USP6NL: variants seen among roughly 807,000 people sequenced by gnomAD.
The protein encoded by USP6NL is USP6 N-terminal-like protein.
A neutral mutation model predicts 61.9 loss-of-function variants in USP6NL; 26 were observed. The observed-to-expected ratio is 0.42, with a 90% CI of 0.31 to 0.58. USP6NL has a LOEUF of 0.58. Ranked by LOEUF, USP6NL falls within the 20% of genes least tolerant of loss-of-function variation. The pLI, the probability that USP6NL is intolerant of heterozygous loss-of-function variation, is 0.16. For missense variants in USP6NL, 1,114 were observed against 1,034.3 expected (o/e 1.08, Z -1.06); for synonymous variants, 432 against 390.1 (o/e 1.11, Z -1.27).
chr10:11,578,647 A>T (rs533348951), intron 2 of USP6NL, among the ~76,000 whole-genome samples: 1 of 152,220 alleles, frequency 6.6e-6, no homozygotes, highest in African/African-American at 2.4e-5. Context: ...TAAAATTTTT[A>T]AAGAATTCAG....
rs1835683794 is a variant in USP6NL at position 11,532,097 on chromosome 10, C to G, written c.5-4530G>C. ...TTCATTTCCAATAAAATAAAATTTA[C>G]AGCAGACCATTTTTCCTAGAGTACA... On this transcript the variant is annotated intron_variant, in intron 2 of 14. Transcript: ENST00000609104. The surrounding 1 kb of genome is among the most constrained non-coding windows in gnomAD (Gnocchi z 4.1). 2 of 1,034,730 alleles carry G rather than the reference C, an allele frequency of 1.9e-6. No homozygotes were observed. The highest frequency in any genetic ancestry group is 2.8e-6 in the Non-Finnish European group (2 of 713,212). 64.1% of individuals were successfully genotyped at this position (1,034,730 alleles called of 1,614,324 possible).
At position 11,498,106 on chromosome 10, in the gene USP6NL, G is replaced by A. The variant is rs545025873; in HGVS notation, c.384+2995C>T. Among the ~76,000 whole-genome samples the A allele has an allele frequency of 8.6e-5, 13 of 150,844 alleles. No individual in the cohort carries two copies. In the South Asian group the frequency reaches 1.1e-3, roughly 12 times the overall value. On this transcript the variant is annotated intron_variant, in intron 7 of 14. Coordinates refer to ENST00000609104, the MANE Select transcript of USP6NL (RefSeq NM_014688.5). The stretch of plus-strand genomic sequence containing the variant: ...AGAAAACTTAGCCGGGCATGGTGGC[G>A]GGCACCTGTAATCCCAGCTACTCGG...
At position 11,474,537 on chromosome 10, in the gene USP6NL, G is replaced by A. The variant is rs1407196523; in HGVS notation, c.1078+7233C>T. 6.6e-6 allele frequency among the ~76,000 whole-genome samples: 1 copy of A among 152,120 alleles called. No homozygotes were observed. Among genetic ancestry groups the A allele is most frequent in the Non-Finnish European group, 1.5e-5 (1 of 68,006 alleles). ...ACCAAACATTAAAGTTCCATTAGAC[G>A]AGAATGTTAAAATTTGCCAGATTTT... is the stretch of plus-strand genomic sequence containing the variant. On this transcript the variant is annotated intron_variant, in intron 14 of 14. Coordinates refer to ENST00000609104, the MANE Select transcript of USP6NL (RefSeq NM_014688.5). This position sits in a 1 kb window ranked among gnomAD's most constrained non-coding sequence, Gnocchi z 4.9.
intron 2 of USP6NL, among the ~76,000 whole-genome samples, chr10:11,593,135 A>G (rs1296620913): frequency 2.0e-5 from 3 of 152,274 alleles, no homozygotes; most frequent in African/African-American, 7.2e-5. Flanking sequence ...GCCAGAAGAG[A>G]AAAACTCTTA....
rs965591865 is a variant in USP6NL at position 11,474,943 on chromosome 10, G to T, written c.1078+6827C>A. ...GTGTGGATGTTCTCCCGTAAGCACTGAAGTACCCCGAAGGCTATGGCCATT... is the reference window on the plus strand; with the variant it reads ...GTGTGGATGTTCTCCCGTAAGCACTTAAGTACCCCGAAGGCTATGGCCATT... On this transcript the variant is annotated intron_variant, in intron 14 of 14. Transcript: ENST00000609104. The surrounding 1 kb of genome is among the most constrained non-coding windows in gnomAD (Gnocchi z 4.9). 6.6e-6 allele frequency among the ~76,000 whole-genome samples: 1 copy of T among 152,208 alleles called. No homozygotes were observed. The highest frequency in any genetic ancestry group is 1.5e-5 in the Non-Finnish European group (1 of 68,034).
In USP6NL at chr10:11,511,866, A is replaced by G. The variant is rs1834734516; in HGVS notation, c.196-2191T>C. Among the ~76,000 whole-genome samples, 1 of 151,962 alleles carries G rather than the reference A, an allele frequency of 6.6e-6. No homozygotes were observed. The highest frequency in any genetic ancestry group is 1.5e-5 in the Non-Finnish European group (1 of 67,974). ...ACACACACACCCCTTGGGAAGCTAT[A>G]GGATCCGAAAATTATGTATCAGTAT... On this transcript the variant is annotated intron_variant, in intron 5 of 14. Coordinates refer to ENST00000609104, the MANE Select transcript of USP6NL (RefSeq NM_014688.5). This position sits in a 1 kb window ranked among gnomAD's most constrained non-coding sequence, Gnocchi z 4.9.
chr10:11,603,767 C>T (rs1379246236), intron 1 of USP6NL, among the ~76,000 whole-genome samples: 1 of 152,138 alleles, frequency 6.6e-6, no homozygotes, highest in Admixed American at 6.5e-5. Flanking sequence ...GCTAACAGAA[C>T]ATATTCAGAA....
rs1457816012 is a variant in USP6NL at position 11,575,142 on chromosome 10, G to A, written c.4+22489C>T. On this transcript the variant is annotated intron_variant, in intron 2 of 14. Transcript: ENST00000609104. The surrounding 1 kb of genome is among the most constrained non-coding windows in gnomAD (Gnocchi z 4.2). ...GTTCGTACTCACAAACTAAATCAAAGTAAGAGTTCAGATGGGTCAAAGACT... is the reference window on the plus strand; with the variant it reads ...GTTCGTACTCACAAACTAAATCAAAATAAGAGTTCAGATGGGTCAAAGACT... Among the ~76,000 whole-genome samples the A allele has an allele frequency of 6.6e-6, 1 of 152,148 alleles. No individual in the cohort carries two copies. Among genetic ancestry groups the A allele is most frequent in the Non-Finnish European group, 1.5e-5 (1 of 68,022 alleles).
rs1159505068 is a variant in USP6NL, at chr10:11,489,664, C to T, written c.544-442G>A. On this transcript the variant is annotated intron_variant, in intron 9 of 14. Transcript: ENST00000609104. This position sits in a 1 kb window ranked among gnomAD's most constrained non-coding sequence, Gnocchi z 5.7. ...GGATGCCCATGCACAGTCTATGCCT[C>T]CTCTCTAAGAAATACCCACTCTCCC... is the stretch of plus-strand genomic sequence containing the variant. Among the ~76,000 whole-genome samples the T allele has an allele frequency of 6.6e-6, 1 of 152,188 alleles. No homozygotes were observed. Among genetic ancestry groups the T allele is most frequent in the African/African-American group, 2.4e-5 (1 of 41,444 alleles).
At chr10:11,501,849 T>C (rs560176747) in intron 6 of USP6NL, among the ~76,000 whole-genome samples, 13 of 152,324 alleles carry the variant, frequency 8.5e-5, no homozygotes, top group Admixed American at 7.2e-4. Context: ...TGCTATTTCT[T>C]CAGGAAAACT....
In USP6NL at chr10:11,532,277, C is replaced by T. The variant is rs756924653; in HGVS notation, c.5-4710G>A. On this transcript the variant is annotated intron_variant, in intron 2 of 14. Transcript: ENST00000609104. This position sits in a 1 kb window ranked among gnomAD's most constrained non-coding sequence, Gnocchi z 4.1. The stretch of plus-strand genomic sequence containing the variant: ...AAGATTTCATTATTATTTTATAGTT[C>T]TCGAACACACCAAGAGTGCTGCCCG... The T allele has an allele frequency of 9.8e-6, 15 of 1,532,838 alleles. No individual in the cohort carries two copies. The highest frequency in any genetic ancestry group is 1.4e-5 in the African/African-American group (1 of 72,544). 95.0% of individuals were successfully genotyped at this position (1,532,838 alleles called of 1,614,324 possible). A position where few individuals can be genotyped will look rare whatever the true frequency, so the allele number is the denominator to read the frequency against.
At position 11,463,483 on chromosome 10, in the gene USP6NL, T is replaced by C; in HGVS notation, c.1445A>G (p.Glu482Gly). ...CGGTTTATTCCATTTGGGCACAAAC[T>C]CCTTCCTGATATTTGAAGTGGCGTT... ...NSNATSNIRK[E>G]FVPKWNKPSD... is the part of the protein sequence containing the mutation. Residue 482 changes from glutamate (E) to glycine (G), a missense_variant, in exon 15 of 15, where the codon GAG (glutamate) becomes GGG (glycine). Glu to Gly is a moderately conservative substitution (Grantham distance 98). Transcript: ENST00000609104. The surrounding 1 kb of genome is among the most constrained non-coding windows in gnomAD (Gnocchi z 6.3). 1.2e-6 allele frequency: 2 copies of C among 1,614,056 alleles called. No homozygotes were observed. The highest frequency in any genetic ancestry group is 2.2e-5 in the East Asian group (1 of 44,890).
chr10:11,531,028 A>G (rs1835635030), intron 2 of USP6NL, among the ~76,000 whole-genome samples: 1 of 152,232 alleles, frequency 6.6e-6, no homozygotes, highest in Non-Finnish European at 1.5e-5. Flanking sequence ...CCAGGCACCT[A>G]TAAACAACGG....
intron 8 of USP6NL, among the ~76,000 whole-genome samples, chr10:11,492,682 C>G (rs1338477052): frequency 2.0e-5 from 3 of 152,242 alleles, no homozygotes; most frequent in African/African-American, 7.2e-5. Context: ...ATCAGCAAAA[C>G]TGTACTTTTC....
chr10:11,462,425 A>T lies in USP6NL; in HGVS notation c.*16T>A, dbSNP rs1303368454. 1 of 1,605,828 alleles carries T rather than the reference A, an allele frequency of 6.2e-7. No individual in the cohort carries two copies. The highest frequency in any genetic ancestry group is 1.7e-5 in the Admixed American group (1 of 59,120). The stretch of plus-strand genomic sequence containing the variant: ...ACGTGGTTTCTCTCTCGTCTTTAGC[A>T]AGTACACGTCAAATCTCACAGCAAC... On this transcript the variant is annotated 3_prime_UTR_variant, in exon 15 of 15. Coordinates refer to ENST00000609104, the MANE Select transcript of USP6NL (RefSeq NM_014688.5).
chr10:11,596,619 G>A lies in USP6NL; in HGVS notation c.4+1012C>T, dbSNP rs1176283130. ...AGCCTGGGCGACAGAGGGAGACTCC[G>A]TCTCAAAAAAAAAAAAAAAAACTCT... is the stretch of plus-strand genomic sequence containing the variant. On this transcript the variant is annotated intron_variant, in intron 2 of 14. Coordinates refer to ENST00000609104, the MANE Select transcript of USP6NL (RefSeq NM_014688.5). This position sits in a 1 kb window ranked among gnomAD's most constrained non-coding sequence, Gnocchi z 4.1. Among the ~76,000 whole-genome samples, 69 of 142,442 alleles carry A rather than the reference G, an allele frequency of 4.8e-4. No homozygotes were observed. Among genetic ancestry groups the A allele is most frequent in the Non-Finnish European group, 3.0e-4 (20 of 66,066 alleles). 93.4% of individuals were successfully genotyped at this position (142,442 alleles called of 152,430 possible).
chr10:11,510,580 C>G lies in USP6NL; in HGVS notation c.196-905G>C, dbSNP rs540268780. Among the ~76,000 whole-genome samples, 3 of 152,272 alleles carry G rather than the reference C, an allele frequency of 2.0e-5. No individual in the cohort carries two copies. Among genetic ancestry groups the G allele is most frequent in the African/African-American group, 7.2e-5 (3 of 41,562 alleles). On this transcript the variant is annotated intron_variant, in intron 5 of 14. Transcript: ENST00000609104. The surrounding 1 kb of genome is among the most constrained non-coding windows in gnomAD (Gnocchi z 4.8). ...GAAAGTGAGACGGAAAATGCTCGCT[C>G]TTCACTTGTTTGGTTTCCAGGAGAA... is the stretch of plus-strand genomic sequence containing the variant.
At chr10:11,521,387 A>G (rs780738011) in intron 4 of USP6NL, among the ~76,000 whole-genome samples, 1 of 126,196 alleles carries the variant, frequency 7.9e-6, no homozygotes, top group South Asian at 2.7e-4. Flanking sequence ...ATTTTTTTTT[A>G]AATTTTTTTT....
In USP6NL at chr10:11,574,193, C is replaced by T. The variant is rs1247779504; in HGVS notation, c.4+23438G>A. ...TTTCTCAAAAACCTTGTATTTGAAACGGAAAATAAAATGTGGATAAAAATA... is the reference window on the plus strand; with the variant it reads ...TTTCTCAAAAACCTTGTATTTGAAATGGAAAATAAAATGTGGATAAAAATA... On this transcript the variant is annotated intron_variant, in intron 2 of 14. Transcript: ENST00000609104. The surrounding 1 kb of genome is among the most constrained non-coding windows in gnomAD (Gnocchi z 4.3). Among the ~76,000 whole-genome samples the T allele has an allele frequency of 2.6e-5, 4 of 152,114 alleles. No homozygotes were observed. The highest frequency in any genetic ancestry group is 2.1e-4 in the South Asian group (1 of 4,826).
Sources: allele counts gnomAD v4.1 joint callset (sites outside exome capture counted in the v4.1 genomes callset), GRCh38; gene constraint gnomAD v4.1.1; non-coding constraint Gnocchi (gnomAD v3.1); transcripts MANE v1.5; gene names NCBI Gene and HGNC (gene_info 2026-07-23, HGNC 2026-07-21).